The following CERKL variants were observed in gnomAD, a reference collection of about 807,000 sequenced individuals.
CERKL encodes the protein CERK like autophagy regulator, also known as ceramide kinase-like protein.
CERKL carries 61 observed loss-of-function variants against 63.4 expected under a neutral mutation model. The ratio of observed to expected loss-of-function variants is 0.96; its 90% CI spans 0.78 to 1.19. The LOEUF (loss-of-function observed/expected upper bound fraction) is 1.19. Ranked by LOEUF, CERKL falls within the 50% of genes most tolerant of loss-of-function variation. The pLI, the probability that CERKL is intolerant of heterozygous loss-of-function variation, is 0.00. For missense variants in CERKL, 675 were observed against 655.5 expected (o/e 1.03, Z -0.33); for synonymous variants, 250 against 230.5 (o/e 1.08, Z -0.77).
chr2:181,594,628 T>C lies in CERKL; in HGVS notation c.481+9209A>G, dbSNP rs768055810. 5.3e-5 allele frequency among the ~76,000 whole-genome samples: 8 copies of C among 152,134 alleles called. 1 individual carries two copies. The highest frequency in any genetic ancestry group is 1.2e-4 in the Non-Finnish European group (8 of 68,006). ...ATCTCTGCTCCTTCCACTGAAAAAATAACAAAGGTGTGAAACTAGTAAAAA... is the reference window on the plus strand; with the variant it reads ...ATCTCTGCTCCTTCCACTGAAAAAACAACAAAGGTGTGAAACTAGTAAAAA... On this transcript the variant is annotated intron_variant, in intron 2 of 12. Coordinates refer to ENST00000410087, the MANE Select transcript of CERKL (RefSeq NM_201548.5).
At chr2:181,556,457 T>C (rs994005884) in intron 5 of CERKL, among the ~76,000 whole-genome samples, 20 of 151,880 alleles carry the variant, frequency 1.3e-4, no homozygotes, top group African/African-American at 3.4e-4. Flanking sequence ...AGTGTTCTCA[T>C]TGTTCATTTC....
chr2:181,656,682 G>C (rs1353197058), intron 1 of CERKL, 87 bp downstream of exon 1: 5 of 1,150,038 alleles, frequency 4.3e-6, no homozygotes, highest in Non-Finnish European at 6.0e-6. Context: ...GGGGAGGGTG[G>C]AGCAAAAGCT....
chr2:181,578,501 T>C (rs1474693270), intron 2 of CERKL, among the ~76,000 whole-genome samples: 3 of 152,064 alleles, frequency 2.0e-5, no homozygotes, highest in South Asian at 4.1e-4. Flanking sequence ...GGTTTTGCCA[T>C]GTTGGCCAGG....
intron 2 of CERKL, among the ~76,000 whole-genome samples, chr2:181,602,475 C>T (rs1685497117): frequency 6.6e-6 from 1 of 152,290 alleles, no homozygotes; most frequent in South Asian, 2.1e-4. Context: ...TACATATTCT[C>T]TATGTTTCCA....
intron 1 of CERKL, among the ~76,000 whole-genome samples, chr2:181,653,153 A>G (rs1347479472): frequency 2.0e-5 from 3 of 152,250 alleles, no homozygotes; most frequent in Non-Finnish European, 4.4e-5. Flanking sequence ...AGGTGCATTT[A>G]AAAGATACTT....
chr2:181,607,244 A>G (rs780531043), intron 1 of CERKL, among the ~76,000 whole-genome samples: 1 of 152,210 alleles, frequency 6.6e-6, no homozygotes, highest in Admixed American at 6.5e-5. Context: ...ACCAACCCTG[A>G]GAGTCCCTGG....
intron 1 of CERKL, among the ~76,000 whole-genome samples, chr2:181,640,851 G>C (rs1433030836): frequency 1.3e-5 from 2 of 152,166 alleles, no homozygotes; most frequent in Non-Finnish European, 2.9e-5. Context: ...TTCTCAATTT[G>C]TGTGTCCCTT....
intron 5 of CERKL, among the ~76,000 whole-genome samples, chr2:181,551,969 A>G (rs1248873945): frequency 1.3e-5 from 2 of 152,142 alleles, no homozygotes; most frequent in African/African-American, 4.8e-5. Flanking sequence ...TATATACACA[A>G]TGGAATACTA....
intron 1 of CERKL, among the ~76,000 whole-genome samples, chr2:181,616,940 A>G (rs1376275989): frequency 3.3e-5 from 5 of 152,104 alleles, no homozygotes; most frequent in African/African-American, 4.8e-5. Context: ...TGTAGTCTCA[A>G]AGAGTATACA....
chr2:181,648,545 G>C (rs770471870), intron 1 of CERKL, among the ~76,000 whole-genome samples: 33 of 152,164 alleles, frequency 2.2e-4, no homozygotes, highest in Non-Finnish European at 2.2e-4. Context: ...ATGTTTACAG[G>C]AGTGCTACAG....
intron 1 of CERKL, among the ~76,000 whole-genome samples, chr2:181,648,589 CAT>C (rs1329807552): frequency 1.3e-5 from 2 of 152,160 alleles, no homozygotes; most frequent in African/African-American, 2.4e-5. Flanking sequence ...ATCATGAACA[CAT>C]GTGAGAATAT....
chr2:181,607,493 C>T (rs1170553863), intron 1 of CERKL, among the ~76,000 whole-genome samples: 1 of 152,160 alleles, frequency 6.6e-6, no homozygotes, highest in African/African-American at 2.4e-5. Context: ...GTGTTTCAAG[C>T]TCATCTGGAT....
At chr2:181,641,344 TACATATATATAC>T (rs1687429760) in intron 1 of CERKL, among the ~76,000 whole-genome samples, 1 of 5,568 alleles carries the variant, frequency 1.8e-4, no homozygotes, top group African/African-American at 5.5e-4. Flanking sequence ...TATATATATA[TACATATATATAC>T]ACATATTTTT....
At chr2:181,656,556 G>C (rs1316459497) in intron 1 of CERKL, among the ~76,000 whole-genome samples, 1 of 152,114 alleles carries the variant, frequency 6.6e-6, no homozygotes, top group Non-Finnish European at 1.5e-5. Flanking sequence ...ATCCCTGGGG[G>C]TTCTGGGATG....
intron 2 of CERKL, among the ~76,000 whole-genome samples, chr2:181,580,815 T>C (rs1054935089): frequency 2.0e-5 from 3 of 152,136 alleles, no homozygotes; most frequent in Non-Finnish European, 4.4e-5. Flanking sequence ...TAAAATAGTT[T>C]AAATAGTATA....
rs1172048326 is a variant in CERKL, at chr2:181,656,925, C to A, written c.82G>T (p.Val28Leu). 2 of 1,595,102 alleles carry A rather than the reference C, an allele frequency of 1.3e-6. No individual in the cohort carries two copies. The highest frequency in any genetic ancestry group is 1.7e-6 in the Non-Finnish European group (2 of 1,169,626). The stretch of plus-strand genomic sequence containing the variant: ...GGGGACGTTAACAGCGCCGGAGGCA[C>A]AGCGGCAGCCTCCGGGGGCGCCTCT... ...EEEAPPEAAA[V>L]PPALLTSPQQ... Residue 28 changes from valine (V) to leucine (L), a missense_variant, in exon 1 of 13, where the codon GTG becomes TTG. Transcript: ENST00000410087.
chr2:181,562,292 C>T lies in CERKL; in HGVS notation c.678-3584G>A, dbSNP rs566549619. On this transcript the variant is annotated intron_variant, in intron 4 of 12. Coordinates refer to ENST00000410087, the MANE Select transcript of CERKL (RefSeq NM_201548.5). The stretch of plus-strand genomic sequence containing the variant: ...CCTCTCTGGGCCAAACCAATGAATA[C>T]CCTACATTTATCGATTTATGTCTTT... 5.9e-5 allele frequency among the ~76,000 whole-genome samples: 9 copies of T among 152,276 alleles called. No individual in the cohort carries two copies. In the South Asian group the frequency reaches 8.3e-4, roughly 14 times the overall value.
chr2:181,559,107 T>G (rs1036046524), intron 4 of CERKL, among the ~76,000 whole-genome samples: 1 of 152,164 alleles, frequency 6.6e-6, no homozygotes, highest in African/African-American at 2.4e-5. Flanking sequence ...TCCTGCTAAT[T>G]CTCAATAAAG....
In CERKL at chr2:181,573,818, G is replaced by A. The variant is rs762281053; in HGVS notation, c.548C>T (p.Thr183Ile). 1.2e-6 allele frequency: 2 copies of A among 1,612,248 alleles called. No individual in the cohort carries two copies. Among genetic ancestry groups the A allele is most frequent in the East Asian group, 2.2e-5 (1 of 44,686 alleles). Residue 183 changes from threonine to isoleucine, a missense_variant, in exon 3 of 13, where the codon ACC becomes ATC. Thr to Ile is a moderately conservative substitution (Grantham distance 89). Coordinates refer to ENST00000410087, the MANE Select transcript of CERKL (RefSeq NM_201548.5). ...TTCAACCTTCTCATAATAAACCTGGGTAGCTTCTTTTTTGTGACTTTGGGG... is the reference window on the plus strand; with the variant it reads ...TTCAACCTTCTCATAATAAACCTGGATAGCTTCTTTTTTGTGACTTTGGGG... ...LNPQSHKKEA[T>I]QVYYEKVEPL...
Sources: allele counts gnomAD v4.1 joint callset (sites outside exome capture counted in the v4.1 genomes callset), GRCh38; gene constraint gnomAD v4.1.1; transcripts MANE v1.5; gene names NCBI Gene and HGNC (gene_info 2026-07-23, HGNC 2026-07-21).